Variants in SDCCAG8 observed in about 807,000 individuals in gnomAD.
SDCCAG8 encodes the protein SHH signaling and ciliogenesis regulator SDCCAG8, also known as serologically defined colon cancer antigen 8.
A neutral mutation model predicts 101.8 loss-of-function variants in SDCCAG8; 74 were observed. That is an observed-to-expected ratio of 0.73 (90% CI 0.60 to 0.88). The LOEUF is 0.88. Among genes scored for constraint, SDCCAG8 ranks in the 40% least tolerant of loss-of-function variants. The probability of loss-of-function intolerance (pLI) is 0.00; values close to 1 mark genes in which losing one functional copy is unlikely to be tolerated. For synonymous variants in SDCCAG8, 281 were observed against 292.9 expected (o/e 0.96, Z 0.41); for missense variants, 787 against 822.6 (o/e 0.96, Z 0.53).
At chr1:243,358,367 A>T (rs1025087423) in intron 12 of SDCCAG8, among the ~76,000 whole-genome samples, 10 of 152,214 alleles carry the variant, frequency 6.6e-5, no homozygotes, top group African/African-American at 2.4e-4. Context: ...GATGCTCAAC[A>T]TCATTAGCTA....
intron 13 of SDCCAG8, among the ~76,000 whole-genome samples, chr1:243,407,361 A>G (rs191756371): frequency 6.6e-6 from 1 of 152,320 alleles, no homozygotes; most frequent in Non-Finnish European, 1.5e-5. Context: ...TCAAACAGGA[A>G]TATCTGTTCC....
chr1:243,427,321 C>T (rs1306400656), intron 16 of SDCCAG8, among the ~76,000 whole-genome samples: 2 of 152,020 alleles, frequency 1.3e-5, no homozygotes, highest in East Asian at 3.9e-4. Context: ...TCTTTTTGTG[C>T]AGTAATGGGG....
chr1:243,418,074 C>A lies in SDCCAG8; in HGVS notation c.1851C>A (p.Thr617=). ...AKKLEQISQK[T]RSEIAQLSQE... ...AACTGGAACAAATCTCTCAAAAAAC[C>A]AGGTAGGTGATGTTATAGAATACTT... The change falls in exon 15 of 18, where the codon ACC becomes ACA. Residue 617 remains threonine, a splice_region_variant and synonymous_variant. Transcript: ENST00000366541. 1 of 1,599,920 alleles carries A rather than the reference C, an allele frequency of 6.3e-7. No homozygotes were observed. Among genetic ancestry groups the A allele is most frequent in the South Asian group, 1.1e-5 (1 of 90,806 alleles).
intron 8 of SDCCAG8, among the ~76,000 whole-genome samples, chr1:243,310,278 A>G (rs970543644): frequency 1.3e-5 from 2 of 152,194 alleles, no homozygotes; most frequent in African/African-American, 4.8e-5. Flanking sequence ...AACATGTATT[A>G]ACTATTTTCA....
chr1:243,395,483 A>G (rs61833951), intron 13 of SDCCAG8, among the ~76,000 whole-genome samples: 36,170 of 152,160 alleles, frequency 0.24, 5,340 homozygotes, highest in East Asian at 0.47. Context: ...TTTAGAAAGG[A>G]TGTTTTAGGA....
chr1:243,408,867 TTAG>T (rs1282668260), intron 13 of SDCCAG8, among the ~76,000 whole-genome samples: 1 of 152,204 alleles, frequency 6.6e-6, no homozygotes, highest in East Asian at 1.9e-4. Flanking sequence ...ACATTAGTAA[TTAG>T]TAGCTTCTTA....
chr1:243,447,023 G>A (rs1274985085), intron 16 of SDCCAG8, among the ~76,000 whole-genome samples: 1 of 152,028 alleles, frequency 6.6e-6, no homozygotes, highest in Non-Finnish European at 1.5e-5. Context: ...AGGCTGAGGC[G>A]GGCAGATCAC....
chr1:243,476,117 C>G (rs1046754209), intron 16 of SDCCAG8: 1 of 985,294 alleles, frequency 1.0e-6, no homozygotes, highest in Admixed American at 6.2e-5. Flanking sequence ...ATTTATTGCT[C>G]TTTGCAGAAT....
intron 15 of SDCCAG8, among the ~76,000 whole-genome samples, chr1:243,421,779 A>G (rs1190858417): frequency 6.6e-6 from 1 of 152,166 alleles, no homozygotes; most frequent in African/African-American, 2.4e-5. Flanking sequence ...AACTTTCGCT[A>G]TCCTTCCTTC....
intron 6 of SDCCAG8, among the ~76,000 whole-genome samples, chr1:243,298,107 G>C (rs1202832874): frequency 1.3e-5 from 2 of 149,570 alleles, no homozygotes; most frequent in African/African-American, 2.5e-5. Flanking sequence ...GGAGTGCAGT[G>C]GTGCGATCTC....
intron 16 of SDCCAG8, among the ~76,000 whole-genome samples, chr1:243,433,411 T>A (rs2081933718): frequency 6.6e-6 from 1 of 151,604 alleles, no homozygotes. Flanking sequence ...GCTGCAGACT[T>A]CCTTTCTGTT....
At chr1:243,359,673 T>G (rs996319728) in intron 12 of SDCCAG8, among the ~76,000 whole-genome samples, 2 of 152,080 alleles carry the variant, frequency 1.3e-5, no homozygotes, top group Non-Finnish European at 2.9e-5. Context: ...AAAGTCAGGG[T>G]CTTAACTTAC....
chr1:243,480,352 TGGGTGGGTG>T, intron 16 of SDCCAG8, among the ~76,000 whole-genome samples: 1 of 67,370 alleles, frequency 1.5e-5, no homozygotes, highest in Admixed American at 1.9e-4. Flanking sequence ...GTGGGATGGA[TGGGTGGGTG>T]GGATGGATGG....
chr1:243,281,276 CTT>C (rs534697165), intron 4 of SDCCAG8, among the ~76,000 whole-genome samples: 1 of 133,444 alleles, frequency 7.5e-6, no homozygotes, highest in African/African-American at 2.7e-5. Context: ...TTATAATTGG[CTT>C]TTTTTTTTGT....
chr1:243,498,335 ACTC>A (rs1222120539), intron 17 of SDCCAG8, among the ~76,000 whole-genome samples: 3 of 151,914 alleles, frequency 2.0e-5, no homozygotes, highest in African/African-American at 7.3e-5. Context: ...CATGGGGTGG[ACTC>A]CTCATGGGCC....
At chr1:243,326,099 A>C (rs1279753936) in intron 9 of SDCCAG8, among the ~76,000 whole-genome samples, 1 of 152,202 alleles carries the variant, frequency 6.6e-6, no homozygotes, top group African/African-American at 2.4e-5. Flanking sequence ...CTGTAATGAT[A>C]TAACCCTCTA....
At chr1:243,468,342 C>T (rs890656748) in intron 16 of SDCCAG8, among the ~76,000 whole-genome samples, 1 of 152,002 alleles carries the variant, frequency 6.6e-6, no homozygotes, top group Non-Finnish European at 1.5e-5. Flanking sequence ...CTCAGTGTCC[C>T]GAGTAGCTGG....
At chr1:243,345,144 GT>G (rs544884251) in intron 12 of SDCCAG8, among the ~76,000 whole-genome samples, 3 of 151,788 alleles carry the variant, frequency 2.0e-5, no homozygotes, top group African/African-American at 4.8e-5. Flanking sequence ...CTCCAAATAA[GT>G]TTTTTTTCAA....
intron 7 of SDCCAG8, chr1:243,306,513 G>T (rs555154833): frequency 6.6e-6 from 1 of 152,022 alleles, no homozygotes; most frequent in African/African-American, 2.4e-5. Flanking sequence ...ATTTAAAGAG[G>T]CATTTTCATA....
Sources: gnomAD v4.1 joint callset for allele counts (sites outside exome capture counted in the v4.1 genomes callset) on GRCh38, gnomAD v4.1.1 for gene constraint, MANE v1.5 for transcripts, NCBI Gene and HGNC (gene_info 2026-07-23, HGNC 2026-07-21) for gene names.